PSMD1: variants seen among roughly 807,000 people sequenced by gnomAD.
The protein encoded by PSMD1 is proteasome 26S subunit, non-ATPase 1.
PSMD1 carries 18 observed loss-of-function variants against 119.0 expected under a neutral mutation model. The observed-to-expected ratio is 0.15, with a 90% CI of 0.10 to 0.22. The LOEUF (loss-of-function observed/expected upper bound fraction) is 0.22. Among genes scored for constraint, PSMD1 ranks in the 10% least tolerant of loss-of-function variants. The probability of loss-of-function intolerance (pLI) is 1.00; values close to 1 mark genes in which losing one functional copy is unlikely to be tolerated. For missense variants in PSMD1, 702 were observed against 1,158.5 expected (o/e 0.61, Z 5.72); for synonymous variants, 374 against 396.6 (o/e 0.94, Z 0.68).
At chr2:231,078,161 G>A (rs1402913831) in intron 9 of PSMD1, among the ~76,000 whole-genome samples, 3 of 152,120 alleles carry the variant, frequency 2.0e-5, no homozygotes, top group African/African-American at 4.8e-5. Context: ...CCAGCTACTC[G>A]CGAGACTGAG....
chr2:231,126,190 T>C (rs1208673929), intron 16 of PSMD1, among the ~76,000 whole-genome samples: 2 of 151,998 alleles, frequency 1.3e-5, no homozygotes, highest in Non-Finnish European at 2.9e-5. Flanking sequence ...ATTGCTTGAG[T>C]CTAGAAGAGA....
intron 16 of PSMD1, among the ~76,000 whole-genome samples, chr2:231,118,474 A>T (rs1415138988): frequency 6.6e-6 from 1 of 152,142 alleles, no homozygotes; most frequent in Non-Finnish European, 1.5e-5. Flanking sequence ...TTTGTCATAA[A>T]AGTATGTTTT....
chr2:231,153,413 G>A lies in PSMD1; in HGVS notation c.2116-151G>A, dbSNP rs183895939. The A allele has an allele frequency of 3.1e-4, 191 of 611,220 alleles. 1 individual carries two copies. Among genetic ancestry groups the A allele is most frequent in the Non-Finnish European group, 2.6e-5 (9 of 349,938 alleles). 37.9% of individuals were successfully genotyped at this position (611,220 alleles called of 1,614,324 possible). A position where few individuals can be genotyped will look rare whatever the true frequency, so the allele number is the denominator to read the frequency against. On this transcript the variant is annotated intron_variant, in intron 18 of 24. Transcript: ENST00000308696. ...CACCCGTGATTGCAACCACGGAACT[G>A]CTCTGCCTTCAAGTCTGGTCCATAT... is the stretch of plus-strand genomic sequence containing the variant.
chr2:231,127,946 C>T (rs1695764783), intron 16 of PSMD1, among the ~76,000 whole-genome samples: 1 of 152,100 alleles, frequency 6.6e-6, no homozygotes, highest in Non-Finnish European at 1.5e-5. Context: ...CCAGTAATAA[C>T]CAAAAAAACC....
intron 16 of PSMD1, among the ~76,000 whole-genome samples, chr2:231,138,432 C>A (rs1183943676): frequency 6.6e-6 from 1 of 152,136 alleles, no homozygotes; most frequent in African/African-American, 2.4e-5. Flanking sequence ...TGTGCTACCC[C>A]CAACATGGCT....
At chr2:231,074,254 G>A (rs1694107375) in intron 7 of PSMD1, among the ~76,000 whole-genome samples, 1 of 151,838 alleles carries the variant, frequency 6.6e-6, no homozygotes, top group African/African-American at 2.4e-5. Context: ...TACAGGCGCA[G>A]GCTATCATGC....
intron 16 of PSMD1, among the ~76,000 whole-genome samples, chr2:231,094,514 A>G (rs1478645778): frequency 6.6e-6 from 1 of 151,682 alleles, no homozygotes; most frequent in Non-Finnish European, 1.5e-5. Context: ...CAATAAATAA[A>G]CAGAGTAAGC....
rs181226097 is a variant in PSMD1, at chr2:231,112,725, A to G, written c.1883+25544A>G. ...TATAAGAGTTTTGAATGATTTACGC[A>G]TACTTCATGATAAGAAGTATAGCTT... On this transcript the variant is annotated intron_variant, in intron 16 of 24. Transcript: ENST00000308696. Among the ~76,000 whole-genome samples, 46 of 152,348 alleles carry G rather than the reference A, an allele frequency of 3.0e-4. No homozygotes were observed. The East Asian group carries it at 5.6e-3, about 19-fold the overall frequency.
chr2:231,117,372 G>A (rs566977982), intron 16 of PSMD1, among the ~76,000 whole-genome samples: 1 of 152,130 alleles, frequency 6.6e-6, no homozygotes, highest in South Asian at 2.1e-4. Flanking sequence ...GTATCTAAGG[G>A]TCAGTCTGAG....
At chr2:231,113,987 T>A in intron 16 of PSMD1, 2 of 1,412,358 alleles carry the variant, frequency 1.4e-6, no homozygotes, top group Non-Finnish European at 2.0e-6. Flanking sequence ...ACTTTCAGTC[T>A]ACAGTTTTTC....
At chr2:231,099,539 G>A (rs924601720) in intron 16 of PSMD1, among the ~76,000 whole-genome samples, 9 of 152,178 alleles carry the variant, frequency 5.9e-5, no homozygotes, top group African/African-American at 1.9e-4. Flanking sequence ...TATCCAGGGG[G>A]ATGTCTTTGT....
At chr2:231,151,455 A>G (rs982012061) in intron 18 of PSMD1, among the ~76,000 whole-genome samples, 5 of 152,206 alleles carry the variant, frequency 3.3e-5, no homozygotes, top group African/African-American at 7.2e-5. Context: ...TAAGAAATAA[A>G]ATGTGAGAAA....
chr2:231,122,358 A>G (rs904937087), intron 16 of PSMD1, among the ~76,000 whole-genome samples: 3 of 152,120 alleles, frequency 2.0e-5, no homozygotes, highest in Non-Finnish European at 4.4e-5. Context: ...AATAGTTGGA[A>G]TAGCAGGGGT....
At chr2:231,074,921 T>C (rs1362990436) in intron 7 of PSMD1, among the ~76,000 whole-genome samples, 1 of 152,186 alleles carries the variant, frequency 6.6e-6, no homozygotes, top group African/African-American at 2.4e-5. Context: ...CTCAAACTCC[T>C]AGGCTCAAGC....
intron 16 of PSMD1, among the ~76,000 whole-genome samples, chr2:231,114,156 T>C (rs1449883538): frequency 6.6e-6 from 1 of 152,238 alleles, no homozygotes; most frequent in Non-Finnish European, 1.5e-5. Flanking sequence ...AATTGTGCCT[T>C]TTTTCTAAGT....
chr2:231,134,163 G>A (rs1695917725), intron 16 of PSMD1, among the ~76,000 whole-genome samples: 1 of 152,096 alleles, frequency 6.6e-6, no homozygotes, highest in South Asian at 2.1e-4. Flanking sequence ...TGAACCAGAA[G>A]TATAGTAATA....
At chr2:231,084,968 A>G (rs761788139) in intron 14 of PSMD1, 51 bp from the exon 15 acceptor site, 1 of 1,452,886 alleles carries the variant, frequency 6.9e-7, no homozygotes, top group South Asian at 1.2e-5. Context: ...AGACTGTAGA[A>G]GTTAACTGTT....
chr2:231,146,634 T>C (rs1696259662), intron 18 of PSMD1, among the ~76,000 whole-genome samples: 1 of 152,222 alleles, frequency 6.6e-6, no homozygotes, highest in South Asian at 2.1e-4. Flanking sequence ...TAAAATGAAC[T>C]CTTTTTTTGC....
At chr2:231,134,639 A>C (rs906498188) in intron 16 of PSMD1, among the ~76,000 whole-genome samples, 7 of 152,164 alleles carry the variant, frequency 4.6e-5, no homozygotes, top group African/African-American at 1.7e-4. Context: ...CACAAAATCA[A>C]TATGGTTTTT....
Sources: gnomAD v4.1 joint callset for allele counts (sites outside exome capture counted in the v4.1 genomes callset) on GRCh38, gnomAD v4.1.1 for gene constraint, MANE v1.5 for transcripts, NCBI Gene and HGNC (gene_info 2026-07-23, HGNC 2026-07-21) for gene names.